DOCK4: variants seen among roughly 807,000 people sequenced by gnomAD.
The protein encoded by DOCK4 is dedicator of cytokinesis 4, also known as dedicator of cytokinesis protein 4.
DOCK4 carries 97 observed loss-of-function variants against 268.1 expected under a neutral mutation model. The ratio of observed to expected loss-of-function variants is 0.36; its 90% confidence interval spans 0.31 to 0.43. The LOEUF (loss-of-function observed/expected upper bound fraction) is 0.43, where lower values mean the gene tolerates loss of function less well. Among genes scored for constraint, DOCK4 ranks in the 20% least tolerant of loss-of-function variants. The pLI is 1.00. For synonymous variants in DOCK4, 954 were observed against 887.2 expected (o/e 1.08, Z -1.34); for missense variants, 2,145 against 2,455.7 (o/e 0.87, Z 2.67).
At chr7:111,784,480 C>A (rs561826012) in intron 32 of DOCK4, 8 of 503,032 alleles carry the variant, frequency 1.6e-5, no homozygotes, top group South Asian at 9.2e-5. Flanking sequence ...TGCGTTTTTT[C>A]CTTTCACTTA....
chr7:112,037,751 C>A (rs781720107), intron 1 of DOCK4, among the ~76,000 whole-genome samples: 15 of 152,046 alleles, frequency 9.9e-5, no homozygotes, highest in Non-Finnish European at 1.5e-4. Context: ...GTTTTCATTT[C>A]TTTTGAATAA....
chr7:111,908,493 A>G (rs1373904308), intron 13 of DOCK4, among the ~76,000 whole-genome samples: 1 of 151,856 alleles, frequency 6.6e-6, no homozygotes, highest in East Asian at 1.9e-4. Flanking sequence ...GAAATTGCTT[A>G]CTTCTCTTTT....
intron 1 of DOCK4, among the ~76,000 whole-genome samples, chr7:112,007,177 C>G (rs146320361): frequency 3.1e-3 from 473 of 152,268 alleles, no homozygotes; most frequent in Admixed American, 5.4e-3. Flanking sequence ...TCCGACCACA[C>G]CTCAAATATA....
At chr7:112,063,813 G>C (rs1586745901) in intron 1 of DOCK4, among the ~76,000 whole-genome samples, 1 of 152,210 alleles carries the variant, frequency 6.6e-6, no homozygotes, top group Admixed American at 6.5e-5. Context: ...AGTGTTGTCA[G>C]GGTAGGATCG....
rs778125044 is a variant in DOCK4 at position 111,769,494 on chromosome 7, C to G, written c.3828+35G>C. The G allele has an allele frequency of 7.4e-6, 12 of 1,611,926 alleles. No individual in the cohort carries two copies. The South Asian group carries it at 1.3e-4, about 18-fold the overall frequency. ...GGAAAGGGACATCAACACCATCACC[C>G]CAGGAGGGACCCCGGGCGGGGCAGG... is the stretch of plus-strand genomic sequence containing the variant. On this transcript the variant is annotated intron_variant, in intron 37 of 52. Coordinates refer to ENST00000428084, the MANE Select transcript of DOCK4 (RefSeq NM_001363540.2).
intron 1 of DOCK4, among the ~76,000 whole-genome samples, chr7:112,156,141 C>T (rs888495483): frequency 2.0e-5 from 3 of 152,078 alleles, no homozygotes; most frequent in Admixed American, 2.0e-4. Flanking sequence ...TGAAATTGTA[C>T]TTTACTGAGC....
chr7:111,961,535 G>A (rs1458641637), intron 8 of DOCK4, among the ~76,000 whole-genome samples: 1 of 152,182 alleles, frequency 6.6e-6, no homozygotes, highest in East Asian at 1.9e-4. Flanking sequence ...AGAATTTCCA[G>A]GAAGGTGGCA....
At chr7:112,145,783 A>C (rs1165898634) in intron 1 of DOCK4, among the ~76,000 whole-genome samples, 1 of 151,988 alleles carries the variant, frequency 6.6e-6, no homozygotes, top group Non-Finnish European at 1.5e-5. Flanking sequence ...CTAAAGTCCA[A>C]GTCACAGCAT....
chr7:112,164,345 C>G (rs879507069), intron 1 of DOCK4, among the ~76,000 whole-genome samples: 1 of 152,160 alleles, frequency 6.6e-6, no homozygotes, highest in Non-Finnish European at 1.5e-5. Context: ...CACATCTTTA[C>G]TGGTTATATA....
chr7:111,879,970 G>A (rs1046360688), intron 16 of DOCK4, among the ~76,000 whole-genome samples: 1 of 152,156 alleles, frequency 6.6e-6, no homozygotes. Flanking sequence ...AGAGTTATTG[G>A]TCTTAAAGAG....
chr7:111,871,890 C>A (rs754026448), intron 20 of DOCK4, 100 bp downstream of exon 20: 87 of 918,530 alleles, frequency 9.5e-5, no homozygotes, highest in Non-Finnish European at 1.3e-4. Flanking sequence ...TGCTCCATTT[C>A]TTCCTACACT....
At position 112,018,143 on chromosome 7, in the gene DOCK4, C is replaced by CAAAAAAAAAAAAAAAAAAAAA. The variant is rs140883588; in HGVS notation, c.38-14033_38-14013dup. ...TGGGCAACACAGCAAGACTCCAGCT[C>CAAAAAAAAAAAAAAAAAAAAA]AAAAAAAAAAAAAAAAAAAAAAAAA... On this transcript the variant is annotated intron_variant, in intron 1 of 52. Transcript: ENST00000428084. Among the ~76,000 whole-genome samples, 26 of 20,640 alleles carry CAAAAAAAAAAAAAAAAAAAAA rather than the reference C, an allele frequency of 1.3e-3. 8 individuals carry two copies. The highest frequency in any genetic ancestry group is 1.5e-3 in the Non-Finnish European group (19 of 12,462). 13.5% of individuals were successfully genotyped at this position (20,640 alleles called of 152,430 possible). A position where few individuals can be genotyped will look rare whatever the true frequency, so the allele number is the denominator to read the frequency against.
At chr7:111,954,164 T>C (rs1236092905) in intron 8 of DOCK4, among the ~76,000 whole-genome samples, 2 of 150,288 alleles carry the variant, frequency 1.3e-5, no homozygotes, top group Non-Finnish European at 2.9e-5. Flanking sequence ...AAGAAAAAAT[T>C]ATTTTCCTTC....
At chr7:111,970,862 G>T (rs560523192) in intron 8 of DOCK4, among the ~76,000 whole-genome samples, 1 of 152,188 alleles carries the variant, frequency 6.6e-6, no homozygotes, top group Non-Finnish European at 1.5e-5. Flanking sequence ...TAGTCACTGT[G>T]AGAGGTGCCC....
intron 8 of DOCK4, among the ~76,000 whole-genome samples, chr7:111,968,297 C>T (rs1215150233): frequency 1.2e-5 from 1 of 80,344 alleles, no homozygotes; most frequent in Non-Finnish European, 2.2e-5. Flanking sequence ...AGAAAATTTT[C>T]GTAACCTACT....
intron 8 of DOCK4, among the ~76,000 whole-genome samples, chr7:111,952,864 TACAAAA>T (rs919076259): frequency 2.0e-5 from 3 of 152,134 alleles, no homozygotes; most frequent in East Asian, 1.9e-4. Flanking sequence ...AAACCAATTT[TACAAAA>T]ACAAAAACAA....
intron 30 of DOCK4, among the ~76,000 whole-genome samples, chr7:111,806,178 C>G (rs1008320007): frequency 1.3e-5 from 2 of 152,086 alleles, no homozygotes; most frequent in African/African-American, 4.8e-5. Flanking sequence ...TGAATAAATT[C>G]TCTTACAGCA....
chr7:112,101,984 A>G (rs1338668867), intron 1 of DOCK4, among the ~76,000 whole-genome samples: 1 of 152,060 alleles, frequency 6.6e-6, no homozygotes, highest in Non-Finnish European at 1.5e-5. Flanking sequence ...CTGGGACTAC[A>G]GGCACCCGCC....
chr7:111,946,051 GA>G (rs1443490780), intron 8 of DOCK4, among the ~76,000 whole-genome samples: 8 of 152,122 alleles, frequency 5.3e-5, no homozygotes, highest in Admixed American at 4.6e-4. Context: ...TGAAAGACTT[GA>G]ATACAATTTT....
Sources: gnomAD v4.1 joint callset for allele counts (sites outside exome capture counted in the v4.1 genomes callset) on GRCh38, gnomAD v4.1.1 for gene constraint, MANE v1.5 for transcripts, NCBI Gene and HGNC (gene_info 2026-07-23, HGNC 2026-07-21) for gene names.